STARD6: variants seen among roughly 807,000 people sequenced by gnomAD.
The protein encoded by STARD6 is StAR related lipid transfer domain containing 6.
STARD6 carries 21 observed loss-of-function variants against 22.3 expected under a neutral mutation model. The observed-to-expected ratio is 0.94, with a 90% CI of 0.67 to 1.35. The LOEUF is 1.35. Ranked by LOEUF, STARD6 falls within the 40% of genes most tolerant of loss-of-function variation. The pLI is 0.00. For missense variants in STARD6, 269 were observed against 266.9 expected, an observed-to-expected ratio of 1.01 and a Z score of -0.05; for synonymous variants, 80 against 88.1, an observed-to-expected ratio of 0.91 and a Z score of 0.52.
At chr18:54,335,175 TTTA>T (rs2088897223) in intron 5 of STARD6, among the ~76,000 whole-genome samples, 1 of 60,568 alleles carries the variant, frequency 1.7e-5, no homozygotes, top group Non-Finnish European at 4.4e-5. Flanking sequence ...TGGTTATTTA[TTTA>T]TTTATTTATT....
intron 6 of STARD6, among the ~76,000 whole-genome samples, 158 bp from the exon 7 acceptor site, chr18:54,329,598 T>G (rs569382176): frequency 6.6e-6 from 1 of 152,212 alleles, no homozygotes; most frequent in South Asian, 2.1e-4. Context: ...GAAGCCAAAA[T>G]TGAGAAAATA....
In STARD6 at chr18:54,342,447, C is replaced by G. The variant is rs1044390345; in HGVS notation, c.141-5196G>C. Among the ~76,000 whole-genome samples, 60 of 130,348 alleles carry G rather than the reference C, an allele frequency of 4.6e-4. 2 individuals carry two copies. The highest frequency in any genetic ancestry group is 8.3e-4 in the Non-Finnish European group (49 of 59,292). 85.5% of individuals were successfully genotyped at this position (130,348 alleles called of 152,430 possible). The stretch of plus-strand genomic sequence containing the variant: ...CGTCTCCCTCTCCCTCTCCCTCTCC[C>G]TCTCCCTCTCCCTCTCCCTCCCTCT... On this transcript the variant is annotated intron_variant, in intron 4 of 7. Coordinates refer to ENST00000307844, the MANE Select transcript of STARD6 (RefSeq NM_139171.2).
At chr18:54,348,002 T>C (rs1177469810) in intron 4 of STARD6, among the ~76,000 whole-genome samples, 2 of 152,100 alleles carry the variant, frequency 1.3e-5, no homozygotes, top group Admixed American at 1.3e-4. Flanking sequence ...TGAGATCTGA[T>C]GTTTTTTATA....
At chr18:54,346,406 T>C (rs776721010) in intron 4 of STARD6, among the ~76,000 whole-genome samples, 4 of 151,868 alleles carry the variant, frequency 2.6e-5, no homozygotes, top group Non-Finnish European at 4.4e-5. Context: ...AAGACAGATA[T>C]GAAAAATGTT....
chr18:54,352,997 G>T (rs1787826), intron 4 of STARD6, among the ~76,000 whole-genome samples: 114,754 of 152,130 alleles, frequency 0.75, 44,208 homozygotes, highest in African/African-American at 0.93. Context: ...GAAAGTGCCT[G>T]TATTAGAACC....
At chr18:54,352,195 A>G (rs1281512834) in intron 4 of STARD6, among the ~76,000 whole-genome samples, 4 of 151,246 alleles carry the variant, frequency 2.6e-5, no homozygotes, top group Non-Finnish European at 5.9e-5. Flanking sequence ...TTTTCCCAGA[A>G]TTTATCGATC....
At chr18:54,348,654 G>GT (rs1302349816) in intron 4 of STARD6, among the ~76,000 whole-genome samples, 2 of 152,106 alleles carry the variant, frequency 1.3e-5, no homozygotes, top group African/African-American at 4.8e-5. Flanking sequence ...TGAAAGAAAA[G>GT]TATTTAGCAT....
At chr18:54,337,356 A>ATGAAGAAAACTTGAAGGTACTATC (rs2088925341) in intron 4 of STARD6, 105 bp from the exon 5 acceptor site, 1 of 1,063,280 alleles carries the variant, frequency 9.4e-7, no homozygotes, top group East Asian at 2.5e-5. Context: ...GCAAACAGCA[A>ATGAAGAAAACTTGAAGGTACTATC]TGAAGAAAAC....
chr18:54,325,410 T>C (rs1320063816), intron 7 of STARD6, among the ~76,000 whole-genome samples: 1 of 152,224 alleles, frequency 6.6e-6, no homozygotes, highest in African/African-American at 2.4e-5. Flanking sequence ...ACATACAATC[T>C]ACTTAACTGT....
chr18:54,351,237 G>T (rs1304073360), intron 4 of STARD6, among the ~76,000 whole-genome samples: 1 of 151,894 alleles, frequency 6.6e-6, no homozygotes, highest in Non-Finnish European at 1.5e-5. Context: ...TTTTTGCAGT[G>T]GTTGAAAAAG....
At position 54,337,128 on chromosome 18, in the gene STARD6, A is replaced by G; in HGVS notation, c.264T>C (p.Asp88=). ...CCAGTATTAAACAACAAATTACCGA[A>G]TCAATCCTGTGTACCATATTATACA... ...LQVYNMVHRI[D]SDTFICHTIT... Residue 88 remains aspartate (D), a synonymous_variant, in exon 5 of 8, where the codon GAT becomes GAC. Transcript: ENST00000307844. The G allele has an allele frequency of 6.2e-7, 1 of 1,607,830 alleles. No homozygotes were observed. Among genetic ancestry groups the G allele is most frequent in the African/African-American group, 1.3e-5 (1 of 74,746 alleles).
chr18:54,329,320 A>G, intron 7 of STARD6, 27 bp downstream of exon 7: 1 of 1,515,154 alleles, frequency 6.6e-7, no homozygotes, highest in South Asian at 1.3e-5. Flanking sequence ...AAACCTGTTA[A>G]AATAAATAAG....
At chr18:54,338,539 T>C (rs2088937768) in intron 4 of STARD6, among the ~76,000 whole-genome samples, 1 of 151,762 alleles carries the variant, frequency 6.6e-6, no homozygotes, top group Non-Finnish European at 1.5e-5. Context: ...ACCAAACAGA[T>C]GAACAAATGA....
At chr18:54,342,651 CGGGGTTTCGCTGTGTT>C (rs1337735783) in intron 4 of STARD6, among the ~76,000 whole-genome samples, 6 of 115,368 alleles carry the variant, frequency 5.2e-5, no homozygotes, top group Non-Finnish European at 8.7e-5. Context: ...TTGGTGGAGA[CGGGGTTTCGCTGTGTT>C]GGCCGGACCG....
chr18:54,339,083 C>G (rs1486071912), intron 4 of STARD6, among the ~76,000 whole-genome samples: 1 of 66,098 alleles, frequency 1.5e-5, no homozygotes. Context: ...AAAAAAAACT[C>G]AAAGCAATGA....
chr18:54,348,676 T>C (rs1329255157), intron 4 of STARD6, among the ~76,000 whole-genome samples: 1 of 152,126 alleles, frequency 6.6e-6, no homozygotes, highest in Non-Finnish European at 1.5e-5. Context: ...GTGCCTGACA[T>C]ATAGTAGGAC....
chr18:54,341,448 A>C (rs1599304080), intron 4 of STARD6, among the ~76,000 whole-genome samples: 1 of 152,226 alleles, frequency 6.6e-6, no homozygotes, highest in African/African-American at 2.4e-5. Flanking sequence ...AGAGACACCT[A>C]TGGAACACTC....
At chr18:54,347,411 G>A (rs1402162076) in intron 4 of STARD6, among the ~76,000 whole-genome samples, 1 of 151,988 alleles carries the variant, frequency 6.6e-6, no homozygotes, top group African/African-American at 2.4e-5. Flanking sequence ...GATGTTAATG[G>A]TTGTGGAGTT....
chr18:54,338,786 A>C (rs1469628572), intron 4 of STARD6, among the ~76,000 whole-genome samples: 1 of 151,966 alleles, frequency 6.6e-6, no homozygotes, highest in Non-Finnish European at 1.5e-5. Flanking sequence ...GCAGTGGCTC[A>C]CTCCTGTAAT....
Sources: allele counts gnomAD v4.1 joint callset (sites outside exome capture counted in the v4.1 genomes callset), GRCh38; gene constraint gnomAD v4.1.1; transcripts MANE v1.5; gene names NCBI Gene and HGNC (gene_info 2026-07-23, HGNC 2026-07-21).